The following C1GALT1 variants were observed in gnomAD, a reference collection of about 807,000 sequenced individuals.
The protein encoded by C1GALT1 is core 1 synthase, glycoprotein-N-acetylgalactosamine 3-beta-galactosyltransferase 1.
C1GALT1 carries 11 observed loss-of-function variants against 31.0 expected under a neutral mutation model. The ratio of observed to expected loss-of-function variants is 0.36; its 90% CI spans 0.22 to 0.59. The LOEUF is 0.59. Among genes scored for constraint, C1GALT1 ranks in the 20% least tolerant of loss-of-function variants. C1GALT1 has a pLI of 0.79. For synonymous variants in C1GALT1, 175 were observed against 143.6 expected (o/e 1.22, Z -1.56); for missense variants, 424 against 425.2 (o/e 1.00, Z 0.03).
At chr7:7,212,677 A>C (rs1416818143) in intron 1 of C1GALT1, among the ~76,000 whole-genome samples, 2 of 152,066 alleles carry the variant, frequency 1.3e-5, no homozygotes, top group Admixed American at 6.6e-5. Flanking sequence ...GTTTGGGATA[A>C]GTGGTGGAGT....
chr7:7,160,998 GAC>G (rs1780327570), intron 2 of C1GALT1, among the ~76,000 whole-genome samples: 6 of 152,036 alleles, frequency 3.9e-5, no homozygotes, highest in Non-Finnish European at 8.8e-5. Flanking sequence ...TGAAATCTAA[GAC>G]AGAATAATAG....
intron 1 of C1GALT1, among the ~76,000 whole-genome samples, chr7:7,211,092 C>A (rs572787133): frequency 6.6e-6 from 1 of 152,254 alleles, no homozygotes; most frequent in Middle Eastern, 3.4e-3. Flanking sequence ...TGGGGTTGAT[C>A]TAAGGATCCT....
In C1GALT1 at chr7:7,244,427, A is replaced by G. The variant is rs1178591468; in HGVS notation, c.*700A>G. On this transcript the variant is annotated 3_prime_UTR_variant, in exon 4 of 4. Transcript: ENST00000436587. Reference sequence around the variant, plus strand: ...GCAATCTCTGTTGTCTCTTTTCTAAATGTGTTTAGCCACTCTTGAATACCA... The same window carrying G: ...GCAATCTCTGTTGTCTCTTTTCTAAGTGTGTTTAGCCACTCTTGAATACCA... 6.6e-6 allele frequency: 1 copy of G among 152,144 alleles called. No homozygotes were observed. Among genetic ancestry groups the G allele is most frequent in the East Asian group, 1.9e-4 (1 of 5,204 alleles). 9.4% of individuals were successfully genotyped at this position (152,144 alleles called of 1,614,324 possible).
At chr7:7,194,006 ATTTGTGTACATTAAT>A (rs943441360) in intron 1 of C1GALT1, among the ~76,000 whole-genome samples, 3 of 151,902 alleles carry the variant, frequency 2.0e-5, no homozygotes, top group Admixed American at 6.6e-5. Context: ...AATGCCACCG[ATTTGTGTACATTAAT>A]TTTGTGTCCT....
Position 7,207,274 on chromosome 7 carries a change from T to C in C1GALT1, c.-18+24454T>C, listed in dbSNP as rs1781781833. On this transcript the variant is annotated intron_variant, in intron 1 of 3. Transcript: ENST00000436587. ...AATTTCATTTATTGTACTTTTCGGC[T>C]TCAGAATTTTTGTGTGTATCCTTTT... Among the ~76,000 whole-genome samples the C allele has an allele frequency of 3.3e-5, 5 of 151,448 alleles. 1 individual carries two copies. The South Asian group carries it at 1.0e-3, about 31-fold the overall frequency.
At chr7:7,239,076 G>C in intron 3 of C1GALT1, 154 bp downstream of exon 3, 1 of 635,958 alleles carries the variant, frequency 1.6e-6, no homozygotes, top group Non-Finnish European at 2.7e-6. Flanking sequence ...AAATAGATGA[G>C]AACAGGGACA....
At chr7:7,176,624 T>C (rs1444551097) in intron 2 of C1GALT1, among the ~76,000 whole-genome samples, 2 of 152,346 alleles carry the variant, frequency 1.3e-5, no homozygotes, top group African/African-American at 2.4e-5. Context: ...TAATATGCTG[T>C]GAGTCACACT....
chr7:7,197,988 C>G (rs1472389299), intron 1 of C1GALT1, among the ~76,000 whole-genome samples: 1 of 152,160 alleles, frequency 6.6e-6, no homozygotes, highest in Non-Finnish European at 1.5e-5. Context: ...CAAACAGGGA[C>G]AATTTGACTT....
chr7:7,190,908 A>T (rs1382732669), intron 1 of C1GALT1, among the ~76,000 whole-genome samples: 2 of 152,100 alleles, frequency 1.3e-5, no homozygotes, highest in African/African-American at 4.8e-5. Context: ...ATTACTTTAC[A>T]TACAGGTTAA....
intron 1 of C1GALT1, among the ~76,000 whole-genome samples, chr7:7,183,178 C>T (rs1029440113): frequency 6.6e-6 from 1 of 151,978 alleles, no homozygotes; most frequent in Admixed American, 6.5e-5. Context: ...GCGCCCGGAC[C>T]GGACCACTTA....
intron 1 of C1GALT1, among the ~76,000 whole-genome samples, chr7:7,233,298 C>T (rs376654615): frequency 6.6e-5 from 10 of 151,994 alleles, no homozygotes; most frequent in South Asian, 6.2e-4. Flanking sequence ...TAGTTTCACT[C>T]TTTTGCCCAG....
chr7:7,212,871 G>A (rs111252221), intron 1 of C1GALT1, among the ~76,000 whole-genome samples: 5,201 of 152,182 alleles, frequency 0.034, 177 homozygotes, highest in African/African-American at 0.095. Context: ...CACAAAGGCA[G>A]GGGAATGTCA....
intron 1 of C1GALT1, among the ~76,000 whole-genome samples, chr7:7,204,356 C>T (rs974741063): frequency 1.3e-5 from 2 of 151,908 alleles, no homozygotes; most frequent in Admixed American, 6.6e-5. Flanking sequence ...TGTTGACATT[C>T]GGTTGTTTAT....
chr7:7,211,020 C>G (rs113213384), intron 1 of C1GALT1, among the ~76,000 whole-genome samples: 6,226 of 151,758 alleles, frequency 0.041, 286 homozygotes, highest in African/African-American at 0.12. Context: ...GGCAACAACT[C>G]CTTCTGGCTA....
intron 1 of C1GALT1, among the ~76,000 whole-genome samples, chr7:7,195,089 A>G (rs1249844573): frequency 6.6e-6 from 1 of 151,988 alleles, no homozygotes; most frequent in African/African-American, 2.4e-5. Context: ...TGATCTGTCA[A>G]TTTTGTTTAT....
chr7:7,243,482 T>C (rs1472553110), intron 3 of C1GALT1, 42 bp from the exon 4 acceptor site: 2 of 1,410,094 alleles, frequency 1.4e-6, no homozygotes, highest in Admixed American at 2.2e-5. Context: ...TAGCTAGCAA[T>C]GTGCTGTTTA....
At chr7:7,239,606 CAACATAG>C (rs1167961053) in intron 3 of C1GALT1, among the ~76,000 whole-genome samples, 2 of 152,138 alleles carry the variant, frequency 1.3e-5, no homozygotes, top group African/African-American at 4.8e-5. Context: ...GTTGTAATTA[CAACATAG>C]TACAGCCCTT....
chr7:7,172,221 T>C (rs926443485), intron 2 of C1GALT1, among the ~76,000 whole-genome samples: 1 of 152,200 alleles, frequency 6.6e-6, no homozygotes, highest in African/African-American at 2.4e-5. Context: ...AGATATAAAA[T>C]TTCAGTTAAT....
chr7:7,227,334 T>TGAG (rs1782811662), intron 1 of C1GALT1, among the ~76,000 whole-genome samples: 2 of 152,226 alleles, frequency 1.3e-5, no homozygotes, highest in African/African-American at 4.8e-5. Flanking sequence ...GATTGGTTTA[T>TGAG]GAGACAGACC....
Sources: allele counts gnomAD v4.1 joint callset (sites outside exome capture counted in the v4.1 genomes callset), GRCh38; gene constraint gnomAD v4.1.1; transcripts MANE v1.5; gene names NCBI Gene and HGNC (gene_info 2026-07-23, HGNC 2026-07-21).